The following EPHA6 variants were observed in gnomAD, a reference collection of about 807,000 sequenced individuals.
EPHA6 encodes the protein ephrin type-A receptor 6.
Under a neutral mutation model 112.0 loss-of-function variants are expected in EPHA6, and 50 were observed. The ratio of observed to expected loss-of-function variants is 0.45; its 90% CI spans 0.36 to 0.56. The LOEUF is 0.56. Ranked by LOEUF, EPHA6 falls within the 20% of genes least tolerant of loss-of-function variation. EPHA6 has a pLI of 0.00. For synonymous variants in EPHA6, 529 were observed against 490.7 expected (o/e 1.08, Z -1.03); for missense variants, 1,280 against 1,417.4 (o/e 0.90, Z 1.56).
In EPHA6 at chr3:97,005,030, T is replaced by C. The variant is rs192662666; in HGVS notation, c.1114+17037T>C. Among the ~76,000 whole-genome samples, 146 of 152,320 alleles carry C rather than the reference T, an allele frequency of 9.6e-4. 1 individual carries two copies. The highest frequency in any genetic ancestry group is 9.0e-4 in the Non-Finnish European group (61 of 68,020). ...GGTTACTGTAGTCTTGTAGTACAGT[T>C]TGATATCAGGTAGTGTGATGCCTCC... On this transcript the variant is annotated intron_variant, in intron 3 of 17. Transcript: ENST00000389672.
chr3:96,958,167 G>C (rs568363308), intron 2 of EPHA6, among the ~76,000 whole-genome samples: 48 of 152,132 alleles, frequency 3.2e-4, no homozygotes, highest in Middle Eastern at 3.4e-3. Flanking sequence ...GGGCATGCCT[G>C]TATTCCCAGC....
intron 1 of EPHA6, among the ~76,000 whole-genome samples, chr3:96,825,546 T>C (rs978151482): frequency 1.3e-5 from 2 of 151,918 alleles, no homozygotes; most frequent in Non-Finnish European, 2.9e-5. Flanking sequence ...TATTAAATAT[T>C]TGTTTTTAGT....
At chr3:97,301,841 T>C (rs912033949) in intron 5 of EPHA6, among the ~76,000 whole-genome samples, 2 of 144,292 alleles carry the variant, frequency 1.4e-5, no homozygotes, top group African/African-American at 2.9e-5. Flanking sequence ...AATGAATCTG[T>C]TTTTTTCTAT....
intron 5 of EPHA6, among the ~76,000 whole-genome samples, chr3:97,351,055 C>A (rs966334977): frequency 6.6e-6 from 1 of 152,112 alleles, no homozygotes; most frequent in Non-Finnish European, 1.5e-5. Context: ...TTAAACCTGC[C>A]ATCCTCAAGC....
intron 10 of EPHA6, among the ~76,000 whole-genome samples, chr3:97,514,192 G>A (rs1392981536): frequency 6.6e-6 from 1 of 152,116 alleles, no homozygotes; most frequent in Non-Finnish European, 1.5e-5. Flanking sequence ...AAGTTCTCAG[G>A]CAAGAATCTG....
chr3:97,133,001 G>A (rs111418016), intron 3 of EPHA6, among the ~76,000 whole-genome samples: 6 of 151,960 alleles, frequency 3.9e-5, no homozygotes, highest in African/African-American at 1.2e-4. Flanking sequence ...AAAAAATGTC[G>A]TATGCATATA....
rs192366036 is a variant in EPHA6 at position 97,695,061 on chromosome 3, A to G, written c.2785-25200A>G. Reference sequence around the variant, plus strand: ...AGTGTATTACATATTACAATAAAACATCCCCAGAGCAAAGGTACATGTGAT... The same window carrying G: ...AGTGTATTACATATTACAATAAAACGTCCCCAGAGCAAAGGTACATGTGAT... On this transcript the variant is annotated intron_variant, in intron 14 of 17. Coordinates refer to ENST00000389672, the MANE Select transcript of EPHA6 (RefSeq NM_001080448.3). Among the ~76,000 whole-genome samples, 59 of 152,332 alleles carry G rather than the reference A, an allele frequency of 3.9e-4. 1 individual carries two copies. The East Asian group carries it at 7.7e-3, about 20-fold the overall frequency.
At chr3:96,913,205 CA>C (rs2039313140) in intron 2 of EPHA6, among the ~76,000 whole-genome samples, 4 of 120,344 alleles carry the variant, frequency 3.3e-5, no homozygotes, top group Non-Finnish European at 6.9e-5. Context: ...CACACACACA[CA>C]CACACACCAC....
chr3:96,932,637 A>G (rs2040382497), intron 2 of EPHA6, among the ~76,000 whole-genome samples: 1 of 152,212 alleles, frequency 6.6e-6, no homozygotes. Context: ...ACTGCTTGAA[A>G]GCCAGACAGG....
chr3:97,663,933 T>G (rs555225216), intron 14 of EPHA6, among the ~76,000 whole-genome samples: 7 of 152,200 alleles, frequency 4.6e-5, no homozygotes, highest in Non-Finnish European at 1.0e-4. Context: ...ATGGTTGAAC[T>G]AGTTTACAGT....
At chr3:97,640,887 A>G (rs909182382) in intron 14 of EPHA6, among the ~76,000 whole-genome samples, 1 of 152,228 alleles carries the variant, frequency 6.6e-6, no homozygotes, top group Admixed American at 6.5e-5. Flanking sequence ...ATTGCAATAA[A>G]CCAGAATGGT....
chr3:97,048,566 A>G (rs538099900), intron 3 of EPHA6, among the ~76,000 whole-genome samples: 5 of 152,334 alleles, frequency 3.3e-5, no homozygotes, highest in Non-Finnish European at 5.9e-5. Flanking sequence ...AAGGAAGACA[A>G]TAATTCTAAC....
At chr3:97,401,006 G>A (rs554052720) in intron 5 of EPHA6, among the ~76,000 whole-genome samples, 259 of 151,810 alleles carry the variant, frequency 1.7e-3, no homozygotes, top group African/African-American at 6.0e-3. Context: ...AGTTCTTAAA[G>A]GAAAATCTTT....
At chr3:97,528,425 C>T (rs2092653472) in intron 10 of EPHA6, among the ~76,000 whole-genome samples, 1 of 152,034 alleles carries the variant, frequency 6.6e-6, no homozygotes, top group South Asian at 2.1e-4. Flanking sequence ...AGGAGCCATA[C>T]ACATAGAGAA....
At chr3:96,879,419 TAGTG>T (rs2037174022) in intron 2 of EPHA6, among the ~76,000 whole-genome samples, 1 of 151,990 alleles carries the variant, frequency 6.6e-6, no homozygotes, top group South Asian at 2.1e-4. Flanking sequence ...CTCATAGAAT[TAGTG>T]AGTAGAATAG....
chr3:97,521,395 A>C (rs2092540400), intron 10 of EPHA6, among the ~76,000 whole-genome samples: 1 of 152,144 alleles, frequency 6.6e-6, no homozygotes, highest in African/African-American at 2.4e-5. Context: ...AAAGTGGTTT[A>C]ATTGACTCAT....
At chr3:97,362,205 C>T (rs1304950726) in intron 5 of EPHA6, among the ~76,000 whole-genome samples, 3 of 151,996 alleles carry the variant, frequency 2.0e-5, no homozygotes, top group Non-Finnish European at 2.9e-5. Flanking sequence ...CTCATTTTCA[C>T]AGAAGTCAAT....
intron 3 of EPHA6, among the ~76,000 whole-genome samples, chr3:97,098,465 T>G (rs1450251958): frequency 1.3e-5 from 2 of 151,966 alleles, no homozygotes; most frequent in Non-Finnish European, 2.9e-5. Context: ...CAACAGAATT[T>G]ATGGGAGAAC....
At chr3:97,460,445 A>G (rs1433933635) in intron 7 of EPHA6, among the ~76,000 whole-genome samples, 1 of 152,238 alleles carries the variant, frequency 6.6e-6, no homozygotes, top group African/African-American at 2.4e-5. Context: ...TATAGCAGAA[A>G]TAGACAAAAA....
Sources: allele counts gnomAD v4.1 joint callset (sites outside exome capture counted in the v4.1 genomes callset), GRCh38; gene constraint gnomAD v4.1.1; transcripts MANE v1.5; gene names NCBI Gene and HGNC (gene_info 2026-07-23, HGNC 2026-07-21).